RAP1GDS1: variants seen among roughly 807,000 people sequenced by gnomAD.
The protein encoded by RAP1GDS1 is RAP1, GTP-GDP dissociation stimulator 1.
RAP1GDS1 carries 35 observed loss-of-function variants against 71.1 expected under a neutral mutation model. That is an observed-to-expected ratio of 0.49 (90% CI 0.38 to 0.65). The LOEUF is 0.65. Ranked by LOEUF, RAP1GDS1 falls within the 30% of genes least tolerant of loss-of-function variation. The pLI is 0.00. For missense variants in RAP1GDS1, 663 were observed against 706.1 expected (o/e 0.94, Z 0.69); for synonymous variants, 229 against 243.1 (o/e 0.94, Z 0.54).
intron 1 of RAP1GDS1, among the ~76,000 whole-genome samples, chr4:98,268,102 T>G (rs997795306): frequency 4.6e-5 from 7 of 152,144 alleles, no homozygotes; most frequent in African/African-American, 1.7e-4. Flanking sequence ...TCTCATCACA[T>G]TAAGAGGATC....
chr4:98,265,750 GA>G (rs1473705437), intron 1 of RAP1GDS1, among the ~76,000 whole-genome samples: 2 of 152,154 alleles, frequency 1.3e-5, no homozygotes, highest in Admixed American at 1.3e-4. Context: ...AAGTCAGAGT[GA>G]AAGACTAGAA....
intron 14 of RAP1GDS1, among the ~76,000 whole-genome samples, chr4:98,439,309 C>A (rs1751588046): frequency 6.6e-6 from 1 of 152,076 alleles, no homozygotes; most frequent in African/African-American, 2.4e-5. Context: ...TGTTTTATTC[C>A]CCTGTAGGTA....
At chr4:98,284,150 A>G (rs776259097) in intron 1 of RAP1GDS1, among the ~76,000 whole-genome samples, 1 of 152,218 alleles carries the variant, frequency 6.6e-6, no homozygotes, top group Non-Finnish European at 1.5e-5. Flanking sequence ...AGATAATAAT[A>G]TCTATTTCAC....
intron 5 of RAP1GDS1, among the ~76,000 whole-genome samples, chr4:98,390,497 C>T (rs72688423): frequency 6.6e-6 from 1 of 151,636 alleles, no homozygotes; most frequent in Non-Finnish European, 1.5e-5. Context: ...GGTAATAGGC[C>T]CCTTTCTATT....
intron 2 of RAP1GDS1, among the ~76,000 whole-genome samples, chr4:98,320,205 A>T (rs1343576859): frequency 6.6e-6 from 1 of 152,172 alleles, no homozygotes; most frequent in African/African-American, 2.4e-5. Context: ...GAGTCAAAAG[A>T]TATTTGCGGG....
intron 2 of RAP1GDS1, among the ~76,000 whole-genome samples, chr4:98,304,740 T>G (rs1214844385): frequency 6.6e-6 from 1 of 152,240 alleles, no homozygotes; most frequent in African/African-American, 2.4e-5. Flanking sequence ...GCAATTGCTT[T>G]TGATGTTTTT....
chr4:98,361,668 G>T (rs1738772089), intron 4 of RAP1GDS1, among the ~76,000 whole-genome samples: 1 of 152,166 alleles, frequency 6.6e-6, no homozygotes, highest in African/African-American at 2.4e-5. Context: ...TCCATCAAAT[G>T]CTGGGCCATA....
chr4:98,394,239 G>T (rs1219601456), intron 6 of RAP1GDS1, among the ~76,000 whole-genome samples: 1 of 152,078 alleles, frequency 6.6e-6, no homozygotes, highest in Admixed American at 6.6e-5. Context: ...TCAACATTAG[G>T]AACTGTGCAG....
rs369234063 is a variant in RAP1GDS1 at position 98,382,626 on chromosome 4, A to G, written c.508+3463A>G. Reference sequence around the variant, plus strand: ...TTCCTAGCTTTGGTTACCCAATGCCAAAACATTGCAGTGATGACTGAAAAT... The same window carrying G: ...TTCCTAGCTTTGGTTACCCAATGCCGAAACATTGCAGTGATGACTGAAAAT... On this transcript the variant is annotated intron_variant, in intron 5 of 14. Transcript: ENST00000408927. 1.7e-4 allele frequency among the ~76,000 whole-genome samples: 26 copies of G among 151,792 alleles called. 1 individual carries two copies. The South Asian group carries it at 3.1e-3, about 18-fold the overall frequency.
At chr4:98,384,787 TA>T (rs1349237874) in intron 5 of RAP1GDS1, among the ~76,000 whole-genome samples, 1 of 151,700 alleles carries the variant, frequency 6.6e-6, no homozygotes, top group African/African-American at 2.4e-5. Context: ...AAAATTATTA[TA>T]GTCTTTTTGT....
intron 2 of RAP1GDS1, among the ~76,000 whole-genome samples, chr4:98,340,275 C>A (rs141791853): frequency 2.0e-5 from 3 of 152,184 alleles, no homozygotes; most frequent in Non-Finnish European, 4.4e-5. Flanking sequence ...TTAAGCCCAT[C>A]GATGGTATAC....
chr4:98,382,505 T>G (rs1293036126), intron 5 of RAP1GDS1, among the ~76,000 whole-genome samples: 1 of 151,538 alleles, frequency 6.6e-6, no homozygotes, highest in Non-Finnish European at 1.5e-5. Context: ...TTGCTATTTT[T>G]TTTTCTTCAT....
At chr4:98,399,457 T>C (rs927536145) in intron 6 of RAP1GDS1, among the ~76,000 whole-genome samples, 2 of 152,004 alleles carry the variant, frequency 1.3e-5, no homozygotes, top group Non-Finnish European at 2.9e-5. Context: ...TCATGCCCCA[T>C]TTGTTTTTGT....
chr4:98,392,027 A>G lies in RAP1GDS1; in HGVS notation c.584A>G (p.Asn195Ser), dbSNP rs1743776255. ...AAATTACTGGGCATCCACTGCCAAAATGCAGCTCTTACAGAAATGTGTCTT... is the reference window on the plus strand; with the variant it reads ...AAATTACTGGGCATCCACTGCCAAAGTGCAGCTCTTACAGAAATGTGTCTT... ...LVKLLGIHCQ[N>S]AALTEMCLVA... Residue 195 changes from asparagine to serine, a missense_variant, in exon 6 of 15, where the codon AAT (asparagine) becomes AGT (serine). Coordinates refer to ENST00000408927, the MANE Select transcript of RAP1GDS1 (RefSeq NM_001100427.2). The G allele has an allele frequency of 6.2e-7, 1 of 1,613,056 alleles. No homozygotes were observed. The highest frequency in any genetic ancestry group is 1.7e-5 in the Admixed American group (1 of 59,982).
chr4:98,329,634 A>G (rs1168199066), intron 2 of RAP1GDS1, among the ~76,000 whole-genome samples: 2 of 151,924 alleles, frequency 1.3e-5, no homozygotes, highest in African/African-American at 4.8e-5. Context: ...CTAAAAATAC[A>G]AAAAATTAGC....
At chr4:98,380,211 A>G (rs1267818919) in intron 5 of RAP1GDS1, among the ~76,000 whole-genome samples, 3 of 151,644 alleles carry the variant, frequency 2.0e-5, no homozygotes, top group Non-Finnish European at 4.4e-5. Context: ...AAAGGGGAAA[A>G]CCACTACTCT....
At chr4:98,287,990 ATTAAACT>A (rs1307140282) in intron 1 of RAP1GDS1, among the ~76,000 whole-genome samples, 3 of 152,144 alleles carry the variant, frequency 2.0e-5, no homozygotes, top group African/African-American at 7.2e-5. Flanking sequence ...GTGATAAATG[ATTAAACT>A]TTAAATACTT....
chr4:98,391,097 ATTCTAAGAGGCAGTACT>A, intron 5 of RAP1GDS1, among the ~76,000 whole-genome samples: 1 of 152,260 alleles, frequency 6.6e-6, no homozygotes, highest in Non-Finnish European at 1.5e-5. Context: ...TTCTTAGCTT[ATTCTAAGAGGCAGTACT>A]TTTGGTGTTC....
chr4:98,434,267 A>C (rs1457225264), intron 13 of RAP1GDS1, among the ~76,000 whole-genome samples: 1 of 152,180 alleles, frequency 6.6e-6, no homozygotes, highest in Non-Finnish European at 1.5e-5. Context: ...TTTTTAGGGC[A>C]ATGCATTAAG....
Sources: gnomAD v4.1 joint callset for allele counts (sites outside exome capture counted in the v4.1 genomes callset) on GRCh38, gnomAD v4.1.1 for gene constraint, MANE v1.5 for transcripts, NCBI Gene and HGNC (gene_info 2026-07-23, HGNC 2026-07-21) for gene names.